Variants in TOR1AIP1 observed in about 807,000 individuals in gnomAD.
TOR1AIP1 encodes the protein torsin 1A interacting protein 1.
In TOR1AIP1, 54 loss-of-function variants were observed where a neutral mutation model predicts 63.3. The observed-to-expected ratio is 0.85, with a 90% CI of 0.69 to 1.07. The LOEUF is 1.07. Among genes scored for constraint, TOR1AIP1 ranks in the 50% least tolerant of loss-of-function variants. TOR1AIP1 has a pLI of 0.00. For missense variants in TOR1AIP1, 736 were observed against 715.0 expected (o/e 1.03, Z -0.33); for synonymous variants, 294 against 273.5 (o/e 1.07, Z -0.74).
intron 6 of TOR1AIP1, 66 bp downstream of exon 6, chr1:179,904,088 G>T (rs1388082716): frequency 5.7e-6 from 7 of 1,231,612 alleles, no homozygotes; most frequent in Non-Finnish European, 8.0e-6. Context: ...TATTTTTGAA[G>T]ATCCTCTTTT....
At chr1:179,914,120 A>T (rs1648918431) in intron 9 of TOR1AIP1, 66 bp downstream of exon 9, 10 of 1,468,782 alleles carry the variant, frequency 6.8e-6, no homozygotes, top group Non-Finnish European at 8.5e-6. Context: ...ATTGTTTAAA[A>T]ATGTTTTTTG....
chr1:179,891,902 C>G (rs767759264), intron 3 of TOR1AIP1, among the ~76,000 whole-genome samples: 3 of 152,128 alleles, frequency 2.0e-5, no homozygotes, highest in Non-Finnish European at 4.4e-5. Context: ...ATACGTTGTT[C>G]ACGGCGAGTT....
Position 179,917,854 on chromosome 1 carries a change from C to T in TOR1AIP1, c.1367C>T (p.Thr456Ile). ...GTDKATQDSD[T>I]VKLEVDQELS... ...GATAAAGCTACTCAAGACAGTGATACTGTCAAACTAGAGGTAGACCAAGAA... is the reference window on the plus strand; with the variant it reads ...GATAAAGCTACTCAAGACAGTGATATTGTCAAACTAGAGGTAGACCAAGAA... Residue 456 changes from threonine to isoleucine, a missense_variant, in exon 10 of 10, where the codon ACT (threonine) becomes ATT (isoleucine). Physicochemically the swap from Thr to Ile is moderately conservative, Grantham distance 89. Transcript: ENST00000606911. The T allele has an allele frequency of 6.2e-7, 1 of 1,614,200 alleles. No individual in the cohort carries two copies.
At chr1:179,899,645 C>T (rs555250273) in intron 3 of TOR1AIP1, among the ~76,000 whole-genome samples, 3 of 152,112 alleles carry the variant, frequency 2.0e-5, no homozygotes, top group Non-Finnish European at 4.4e-5. Flanking sequence ...TTAAACACTT[C>T]ATTTCCTTTT....
chr1:179,885,645 T>C (rs1010276507), intron 2 of TOR1AIP1, among the ~76,000 whole-genome samples: 3 of 152,230 alleles, frequency 2.0e-5, no homozygotes, highest in African/African-American at 7.2e-5. Context: ...CTAATAAGAT[T>C]ATGCTTTATA....
intron 3 of TOR1AIP1, among the ~76,000 whole-genome samples, chr1:179,891,934 G>T (rs1341413031): frequency 1.3e-5 from 2 of 152,150 alleles, no homozygotes; most frequent in East Asian, 3.9e-4. Flanking sequence ...GCTGTAATAC[G>T]TTCGTTGAAC....
chr1:179,915,970 CT>C (rs1367911845), intron 9 of TOR1AIP1, among the ~76,000 whole-genome samples: 1 of 152,150 alleles, frequency 6.6e-6, no homozygotes, highest in Non-Finnish European at 1.5e-5. Context: ...GCACAAAATT[CT>C]TTTCCTTGAG....
chr1:179,890,439 C>T (rs926613088), intron 3 of TOR1AIP1, among the ~76,000 whole-genome samples: 2 of 152,036 alleles, frequency 1.3e-5, no homozygotes, highest in Non-Finnish European at 2.9e-5. Context: ...TTAAGTATTC[C>T]AGTGGTAAAG....
chr1:179,913,911 A>C, intron 8 of TOR1AIP1, 87 bp from the exon 9 acceptor site: 1 of 1,263,910 alleles, frequency 7.9e-7, no homozygotes, highest in Non-Finnish European at 1.1e-6. Flanking sequence ...TTCCTGGTGG[A>C]ATTTGTATCT....
intron 3 of TOR1AIP1, among the ~76,000 whole-genome samples, chr1:179,895,508 T>C (rs1248597534): frequency 2.0e-5 from 3 of 152,178 alleles, no homozygotes; most frequent in African/African-American, 7.2e-5. Flanking sequence ...CTTGGGAGGC[T>C]GAGTCTGGAG....
At chr1:179,885,548 A>G (rs1302318528) in intron 2 of TOR1AIP1, among the ~76,000 whole-genome samples, 2 of 152,210 alleles carry the variant, frequency 1.3e-5, no homozygotes, top group Admixed American at 6.5e-5. Flanking sequence ...TGATATTAGG[A>G]AAGTCTCACA....
At chr1:179,890,808 T>C (rs954288777) in intron 3 of TOR1AIP1, among the ~76,000 whole-genome samples, 7 of 152,086 alleles carry the variant, frequency 4.6e-5, no homozygotes, top group African/African-American at 1.7e-4. Flanking sequence ...TTTATAGAGA[T>C]GGGGTTTCAC....
intron 1 of TOR1AIP1, 78 bp from the exon 2 acceptor site, chr1:179,884,614 A>G: frequency 8.0e-7 from 1 of 1,245,700 alleles, no homozygotes; most frequent in South Asian, 1.4e-5. Flanking sequence ...ATGTATTGTT[A>G]CAAAAATGCA....
In TOR1AIP1 at chr1:179,908,526, A is replaced by C. The variant is rs575606321; in HGVS notation, c.839-79A>C. Reference sequence around the variant, plus strand: ...CTACTTTATTTTGTCTTTCTGATAGATTAATTTTATAACACTGGAATATGG... The same window carrying C: ...CTACTTTATTTTGTCTTTCTGATAGCTTAATTTTATAACACTGGAATATGG... On this transcript the variant is annotated intron_variant, in intron 7 of 9. Coordinates refer to ENST00000606911, the MANE Select transcript of TOR1AIP1 (RefSeq NM_015602.4). 2.0e-5 allele frequency: 23 copies of C among 1,163,246 alleles called. No homozygotes were observed. In the East Asian group the frequency reaches 5.3e-4, roughly 27 times the overall value. 72.1% of individuals were successfully genotyped at this position (1,163,246 alleles called of 1,614,324 possible).
chr1:179,897,713 G>A (rs77807502), intron 3 of TOR1AIP1, among the ~76,000 whole-genome samples: 3,226 of 152,170 alleles, frequency 0.021, 121 homozygotes, highest in African/African-American at 0.073. Flanking sequence ...CCTTAGTAAA[G>A]CCTACTGTAT....
intron 3 of TOR1AIP1, among the ~76,000 whole-genome samples, chr1:179,898,789 A>G (rs1648360459): frequency 6.6e-6 from 1 of 152,136 alleles, no homozygotes; most frequent in South Asian, 2.1e-4. Flanking sequence ...CTCAAAAAAG[A>G]GAAAAAGAAA....
intron 9 of TOR1AIP1, among the ~76,000 whole-genome samples, chr1:179,914,837 T>C (rs943822264): frequency 2.0e-5 from 3 of 152,092 alleles, no homozygotes; most frequent in African/African-American, 7.2e-5. Flanking sequence ...ATTCTGAAAT[T>C]TTTTGTTCTT....
chr1:179,899,195 CA>C (rs778247420), intron 3 of TOR1AIP1, among the ~76,000 whole-genome samples: 2 of 151,730 alleles, frequency 1.3e-5, no homozygotes, highest in East Asian at 3.9e-4. Context: ...TACTTCTCTA[CA>C]TATGATCCTT....
intron 7 of TOR1AIP1, among the ~76,000 whole-genome samples, chr1:179,908,211 G>A (rs1314390153): frequency 2.0e-5 from 3 of 151,848 alleles, no homozygotes; most frequent in African/African-American, 7.3e-5. Flanking sequence ...CCCAGCCTCA[G>A]TCAATCAATT....
Sources: gnomAD v4.1 joint callset for allele counts (sites outside exome capture counted in the v4.1 genomes callset) on GRCh38, gnomAD v4.1.1 for gene constraint, MANE v1.5 for transcripts, NCBI Gene and HGNC (gene_info 2026-07-23, HGNC 2026-07-21) for gene names.